TENM3: variants seen among roughly 807,000 people sequenced by gnomAD.
TENM3 encodes the protein teneurin-3.
Under a neutral mutation model 255.1 loss-of-function variants are expected in TENM3, and 63 were observed. The ratio of observed to expected loss-of-function variants is 0.25; its 90% confidence interval spans 0.20 to 0.30. The LOEUF (loss-of-function observed/expected upper bound fraction) is 0.30, where lower values mean the gene tolerates loss of function less well. Ranked by LOEUF, TENM3 falls within the 10% of genes least tolerant of loss-of-function variation. The pLI is 1.00. For missense variants in TENM3, 2,929 were observed against 3,461.1 expected (o/e 0.85, Z 3.86); for synonymous variants, 1,306 against 1,322.3 (o/e 0.99, Z 0.27).
At chr4:181,927,751 GAC>G in the TENM3 span, among the ~76,000 whole-genome samples, 1 of 152,198 alleles carries the variant, frequency 6.6e-6, no homozygotes, top group Non-Finnish European at 1.5e-5. Flanking sequence ...AGCACGGGTC[GAC>G]AGACACCTCA....
chr4:181,760,464 A>T, the TENM3 span, among the ~76,000 whole-genome samples: 2 of 152,102 alleles, frequency 1.3e-5, no homozygotes, highest in Non-Finnish European at 2.9e-5. Flanking sequence ...CGATTGTGTA[A>T]TTTCCCACTG....
At chr4:182,282,886 C>T (rs569054768) in intron 1 of TENM3, among the ~76,000 whole-genome samples, 6 of 134,428 alleles carry the variant, frequency 4.5e-5, no homozygotes, top group African/African-American at 1.8e-4. Flanking sequence ...GAGTGAGACT[C>T]CATTTCAGAA....
intron 3 of TENM3, among the ~76,000 whole-genome samples, chr4:182,442,454 A>G (rs1208749927): frequency 1.3e-5 from 2 of 152,200 alleles, no homozygotes; most frequent in Non-Finnish European, 2.9e-5. Flanking sequence ...ATAGACAACT[A>G]CCCATCTGAC....
the TENM3 span, among the ~76,000 whole-genome samples, chr4:181,992,497 T>C: frequency 6.6e-6 from 1 of 152,206 alleles, no homozygotes; most frequent in Middle Eastern, 3.2e-3. Context: ...AGATGCAATG[T>C]TGATAGAGCT....
the TENM3 span, among the ~76,000 whole-genome samples, chr4:181,964,768 G>A: frequency 6.6e-6 from 1 of 152,176 alleles, no homozygotes; most frequent in Non-Finnish European, 1.5e-5. Context: ...CGGTGAGAGA[G>A]TAAACGTAGA....
chr4:182,355,221 A>G (rs2150732224), intron 3 of TENM3, among the ~76,000 whole-genome samples: 1 of 152,340 alleles, frequency 6.6e-6, no homozygotes, highest in Middle Eastern at 3.4e-3. Flanking sequence ...TAGACAGAAC[A>G]GCAAAGGAGA....
intron 3 of TENM3, among the ~76,000 whole-genome samples, chr4:182,528,247 A>G (rs1278859710): frequency 6.6e-6 from 1 of 152,132 alleles, no homozygotes; most frequent in African/African-American, 2.4e-5. Context: ...CCTCCCGAGT[A>G]GCTGAGATTA....
At chr4:181,459,732 A>G in the TENM3 span, among the ~76,000 whole-genome samples, 2 of 151,828 alleles carry the variant, frequency 1.3e-5, no homozygotes, top group African/African-American at 4.8e-5. Context: ...TTTATAGTAA[A>G]TTTTGAATTA....
At chr4:181,916,882 A>C in the TENM3 span, among the ~76,000 whole-genome samples, 3 of 152,104 alleles carry the variant, frequency 2.0e-5, no homozygotes, top group East Asian at 1.9e-4. Flanking sequence ...AAAAACAAAC[A>C]AACAAAAAAA....
the TENM3 span, among the ~76,000 whole-genome samples, chr4:181,770,758 T>C: frequency 6.6e-6 from 1 of 151,700 alleles, no homozygotes; most frequent in South Asian, 2.1e-4. Flanking sequence ...TCACCTAGTA[T>C]GATGGAAACA....
chr4:182,546,595 CTGGCTGACATTTATCTTT>C (rs1187789816), intron 3 of TENM3, among the ~76,000 whole-genome samples: 1 of 151,656 alleles, frequency 6.6e-6, no homozygotes, highest in Non-Finnish European at 1.5e-5. Flanking sequence ...GCCACTGTGC[CTGGCTGACATTTATCTTT>C]TTATCTGTAT....
the TENM3 span, among the ~76,000 whole-genome samples, chr4:182,099,055 G>A: frequency 6.3e-5 from 9 of 143,212 alleles, no homozygotes; most frequent in South Asian, 2.2e-4. Flanking sequence ...TCTGCTTCCC[G>A]GGTTCAAGCA....
At chr4:181,854,158 C>T in the TENM3 span, among the ~76,000 whole-genome samples, 3 of 152,292 alleles carry the variant, frequency 2.0e-5, no homozygotes, top group African/African-American at 2.4e-5. Flanking sequence ...TTATGGAAAT[C>T]GTCATCCACT....
At chr4:182,642,870 A>G (rs565564473) in intron 5 of TENM3, among the ~76,000 whole-genome samples, 2 of 152,344 alleles carry the variant, frequency 1.3e-5, no homozygotes, top group South Asian at 2.1e-4. Context: ...TAAAATAACA[A>G]TATTTGGGTC....
At chr4:182,040,117 A>AGG in the TENM3 span, among the ~76,000 whole-genome samples, 2 of 186 alleles carry the variant, frequency 0.011, no homozygotes, top group Non-Finnish European at 0.043. Context: ...GGGAGGGCAG[A>AGG]AGAGGGCAGG....
chr4:181,721,483 C>A, the TENM3 span, among the ~76,000 whole-genome samples: 1 of 134,066 alleles, frequency 7.5e-6, no homozygotes, highest in Admixed American at 7.9e-5. Context: ...GCCTGTAGTC[C>A]CAGCTACTCG....
chr4:182,274,477 C>A (rs1759859453), intron 1 of TENM3, among the ~76,000 whole-genome samples: 1 of 152,082 alleles, frequency 6.6e-6, no homozygotes, highest in Non-Finnish European at 1.5e-5. Context: ...GATGACTGTT[C>A]AGAGGCAAAG....
intron 3 of TENM3, among the ~76,000 whole-genome samples, chr4:182,575,165 A>G (rs972254069): frequency 3.3e-5 from 5 of 152,182 alleles, no homozygotes; most frequent in Non-Finnish European, 7.3e-5. Flanking sequence ...AATAGAATCA[A>G]TGGATTTTAT....
chr4:181,652,142 TAAAAA>T, the TENM3 span, among the ~76,000 whole-genome samples: 16 of 114,660 alleles, frequency 1.4e-4, no homozygotes, highest in Middle Eastern at 4.8e-3. Context: ...CACTTTGGGG[TAAAAA>T]AAAAAAAAAA....
Sources: allele counts gnomAD v4.1 joint callset (sites outside exome capture counted in the v4.1 genomes callset), GRCh38; gene constraint gnomAD v4.1.1; transcripts MANE v1.5; gene names NCBI Gene and HGNC (gene_info 2026-07-23, HGNC 2026-07-21).